Variants in CRK observed in about 807,000 individuals in gnomAD.
CRK encodes CRK proto-oncogene, adaptor protein.
A neutral mutation model predicts 29.8 loss-of-function variants in CRK; 4 were observed. The observed-to-expected ratio is 0.13, with a 90% CI of 0.07 to 0.31. The LOEUF (loss-of-function observed/expected upper bound fraction) is 0.31. Ranked by LOEUF, CRK falls within the 10% of genes least tolerant of loss-of-function variation. The pLI is 1.00. For synonymous variants in CRK, 153 were observed against 164.9 expected (o/e 0.93, Z 0.55); for missense variants, 274 against 396.5 (o/e 0.69, Z 2.62).
At chr17:1,446,888 C>T (rs897567415) in intron 1 of CRK, among the ~76,000 whole-genome samples, 7 of 152,156 alleles carry the variant, frequency 4.6e-5, no homozygotes, top group African/African-American at 7.2e-5. Context: ...CCACCACGCC[C>T]GGCCGTGACT....
chr17:1,443,613 A>T lies in CRK; in HGVS notation c.242-6458T>A, dbSNP rs1203420206. ...ACGGGGTTTCACCATGTTAGCCAGGATGGTTTCGATCTCCTGACCTCGTGA... is the reference window on the plus strand; with the variant it reads ...ACGGGGTTTCACCATGTTAGCCAGGTTGGTTTCGATCTCCTGACCTCGTGA... On this transcript the variant is annotated intron_variant, in intron 1 of 2. Coordinates refer to ENST00000300574, the MANE Select transcript of CRK (RefSeq NM_016823.4). Among the ~76,000 whole-genome samples the T allele has an allele frequency of 3.4e-5, 5 of 147,428 alleles. No individual in the cohort carries two copies. In the East Asian group the frequency reaches 1.0e-3, roughly 30 times the overall value.
chr17:1,438,894 G>A (rs1410499339), intron 1 of CRK, among the ~76,000 whole-genome samples: 1 of 151,782 alleles, frequency 6.6e-6, no homozygotes. Flanking sequence ...GCAGGCTGGA[G>A]TGCAGTGGCA....
rs186197844 is a variant in CRK at position 1,451,524 on chromosome 17, G to A, written c.241+4353C>T. ...TGGAATTACAGGCATGAGCCACTGC[G>A]CCCGGCCTCTTCTTGCCATTCTTTA... On this transcript the variant is annotated intron_variant, in intron 1 of 2. Coordinates refer to ENST00000300574, the MANE Select transcript of CRK (RefSeq NM_016823.4). 2.9e-3 allele frequency among the ~76,000 whole-genome samples: 444 copies of A among 152,048 alleles called. 3 individuals carry two copies. The highest frequency in any genetic ancestry group is 9.7e-3 in the African/African-American group (404 of 41,498).
Position 1,423,656 on chromosome 17 carries a change from G to C in CRK, c.778-6C>G. The C allele has an allele frequency of 1.2e-6, 2 of 1,613,622 alleles. No homozygotes were observed. The highest frequency in any genetic ancestry group is 1.7e-6 in the Non-Finnish European group (2 of 1,179,792). On this transcript the variant is annotated splice_region_variant and splice_polypyrimidine_tract_variant and intron_variant, in intron 2 of 2. Coordinates refer to ENST00000300574, the MANE Select transcript of CRK (RefSeq NM_016823.4). ...ACCTTTACCAGCTCACCGACCTGCAGGAGGAGAATAAGGAGAGCACTTTAT... is the reference window on the plus strand; with the variant it reads ...ACCTTTACCAGCTCACCGACCTGCACGAGGAGAATAAGGAGAGCACTTTAT...
At chr17:1,427,288 CAAA>C (rs761351379) in intron 2 of CRK, among the ~76,000 whole-genome samples, 7 of 78,994 alleles carry the variant, frequency 8.9e-5, no homozygotes, top group South Asian at 3.9e-4. Flanking sequence ...ATTCTGTCTC[CAAA>C]AAAAAAAAAA....
At chr17:1,432,896 A>G (rs1047736167) in intron 2 of CRK, among the ~76,000 whole-genome samples, 15 of 152,344 alleles carry the variant, frequency 9.8e-5, no homozygotes, top group African/African-American at 3.1e-4. Flanking sequence ...CACAATCCAC[A>G]AAACACCTAG....
intron 1 of CRK, among the ~76,000 whole-genome samples, chr17:1,439,629 C>T (rs1294047146): frequency 1.3e-5 from 2 of 150,556 alleles, no homozygotes; most frequent in East Asian, 4.0e-4. Flanking sequence ...CAGGTGGATC[C>T]CTGGAGCTCA....
intron 1 of CRK, among the ~76,000 whole-genome samples, chr17:1,446,129 C>T (rs1432012915): frequency 6.6e-6 from 1 of 152,118 alleles, no homozygotes; most frequent in African/African-American, 2.4e-5. Context: ...CCTTCCTAGA[C>T]TGGAGAAGCT....
intron 1 of CRK, among the ~76,000 whole-genome samples, chr17:1,445,011 G>A (rs1392576629): frequency 3.3e-5 from 5 of 150,444 alleles, no homozygotes; most frequent in African/African-American, 4.9e-5. Context: ...AGCCGGGCAT[G>A]GTGGCGGGCG....
At chr17:1,446,239 G>A (rs912201670) in intron 1 of CRK, among the ~76,000 whole-genome samples, 1 of 152,082 alleles carries the variant, frequency 6.6e-6, no homozygotes, top group African/African-American at 2.4e-5. Context: ...CCTCCCACCC[G>A]GCTTTCACCT....
chr17:1,432,722 C>A (rs140241378), intron 2 of CRK, among the ~76,000 whole-genome samples: 1,554 of 146,840 alleles, frequency 0.011, 30 homozygotes, highest in African/African-American at 0.037. Flanking sequence ...GCTTGCAGTG[C>A]GCCGAGATCA....
intron 1 of CRK, among the ~76,000 whole-genome samples, chr17:1,438,698 A>C (rs1328275004): frequency 2.6e-5 from 4 of 152,222 alleles, no homozygotes; most frequent in African/African-American, 9.6e-5. Context: ...ACAAACGCTT[A>C]AAATTCCTAA....
At chr17:1,448,632 AAAAAAAAAAAG>A (rs2073993716) in intron 1 of CRK, among the ~76,000 whole-genome samples, 3 of 145,988 alleles carry the variant, frequency 2.1e-5, no homozygotes, top group East Asian at 2.0e-4. Flanking sequence ...AAAAAAAAAA[AAAAAAAAAAAG>A]AAAAAGTGGC....
At chr17:1,427,233 C>G (rs924179700) in intron 2 of CRK, among the ~76,000 whole-genome samples, 1 of 142,506 alleles carries the variant, frequency 7.0e-6, no homozygotes, top group Non-Finnish European at 1.5e-5. Context: ...TGAGCTGTAG[C>G]AAGCCAAGTG....
intron 1 of CRK, among the ~76,000 whole-genome samples, chr17:1,450,217 A>C (rs2074006582): frequency 6.6e-6 from 1 of 151,748 alleles, no homozygotes; most frequent in African/African-American, 2.4e-5. Flanking sequence ...AACATAAATA[A>C]AGTTTAAAAA....
At chr17:1,444,034 T>G (rs1029937055) in intron 1 of CRK, among the ~76,000 whole-genome samples, 1 of 151,862 alleles carries the variant, frequency 6.6e-6, no homozygotes, top group Non-Finnish European at 1.5e-5. Flanking sequence ...TTTTGCCATG[T>G]CGCCCAGGCA....
chr17:1,420,958 C>A lies in CRK; in HGVS notation c.*2555G>T, dbSNP rs999841173. 9.9e-5 allele frequency: 15 copies of A among 152,038 alleles called. No homozygotes were observed. Among genetic ancestry groups the A allele is most frequent in the Middle Eastern group, 3.4e-3 (1 of 294 alleles). The allele number at this position is 152,038 out of a possible 1,614,324, so 9.4% of individuals were successfully genotyped here. A position where few individuals can be genotyped will look rare whatever the true frequency, so the allele number is the denominator to read the frequency against. Reference sequence around the variant, plus strand: ...TTTGCATTATTAACAATAAACAATTCCAACAAATTAATAAGAATTAACCAT... The same window carrying A: ...TTTGCATTATTAACAATAAACAATTACAACAAATTAATAAGAATTAACCAT... On this transcript the variant is annotated 3_prime_UTR_variant, in exon 3 of 3. Transcript: ENST00000300574.
At chr17:1,441,856 G>GTTTT (rs146217933) in intron 1 of CRK, among the ~76,000 whole-genome samples, 3,174 of 150,524 alleles carry the variant, frequency 0.021, 98 homozygotes, top group African/African-American at 0.074. Context: ...CCAGGCTGCG[G>GTTTT]TTTTGTTTTT....
chr17:1,421,537 C>T lies in CRK; in HGVS notation c.*1976G>A, dbSNP rs1358196559. On this transcript the variant is annotated 3_prime_UTR_variant, in exon 3 of 3. Coordinates refer to ENST00000300574, the MANE Select transcript of CRK (RefSeq NM_016823.4). The stretch of plus-strand genomic sequence containing the variant: ...CTACCATTTTACAAGTTGAGTTTAA[C>T]GTCTTTATCAAGCATGACCTTAGTG... The T allele has an allele frequency of 6.6e-6, 1 of 152,200 alleles. No individual in the cohort carries two copies. Among genetic ancestry groups the T allele is most frequent in the Admixed American group, 6.6e-5 (1 of 15,260 alleles). The allele number at this position is 152,200 out of a possible 1,614,324, so 9.4% of individuals were successfully genotyped here.
Sources: gnomAD v4.1 joint callset for allele counts (sites outside exome capture counted in the v4.1 genomes callset) on GRCh38, gnomAD v4.1.1 for gene constraint, MANE v1.5 for transcripts, NCBI Gene and HGNC (gene_info 2026-07-23, HGNC 2026-07-21) for gene names.